Variants in KSR2 observed in about 807,000 individuals in gnomAD.
KSR2 encodes the protein kinase suppressor of ras 2.
KSR2 carries 25 observed loss-of-function variants against 107.8 expected under a neutral mutation model. The observed-to-expected ratio is 0.23, with a 90% CI of 0.17 to 0.32. The LOEUF (loss-of-function observed/expected upper bound fraction) is 0.32, where lower values mean the gene tolerates loss of function less well. Ranked by LOEUF, KSR2 falls within the 10% of genes least tolerant of loss-of-function variation. KSR2 has a pLI of 1.00. For missense variants in KSR2, 887 were observed against 1,268.9 expected, an observed-to-expected ratio of 0.70 and a Z score of 4.57; for synonymous variants, 480 against 507.0, an observed-to-expected ratio of 0.95 and a Z score of 0.71.
chr12:117,595,380 C>T (rs11068563), intron 5 of KSR2, among the ~76,000 whole-genome samples: 36,069 of 110,864 alleles, frequency 0.33, 6,669 homozygotes, highest in African/African-American at 0.58. Context: ...TTTTTTGAGA[C>T]GGAGTCTCGC....
chr12:117,953,563 C>T (rs544764763), intron 1 of KSR2, among the ~76,000 whole-genome samples: 1 of 152,220 alleles, frequency 6.6e-6, no homozygotes, highest in African/African-American at 2.4e-5. Flanking sequence ...CACAAAATAA[C>T]AAATATCATA....
chr12:117,933,584 T>C (rs1395904442), intron 1 of KSR2, among the ~76,000 whole-genome samples: 1 of 144,250 alleles, frequency 6.9e-6, no homozygotes, highest in Non-Finnish European at 1.6e-5. Flanking sequence ...AGAGCAAGAG[T>C]CTGTCTCAAA....
intron 5 of KSR2, among the ~76,000 whole-genome samples, chr12:117,638,470 G>A (rs1002140737): frequency 1.3e-5 from 2 of 151,066 alleles, no homozygotes; most frequent in African/African-American, 2.4e-5. Flanking sequence ...CAGAGATACT[G>A]AACTGTTCAC....
intron 5 of KSR2, among the ~76,000 whole-genome samples, chr12:117,635,794 CTTT>C (rs780731850): frequency 2.1e-5 from 3 of 140,668 alleles, no homozygotes; most frequent in Admixed American, 7.2e-5. Context: ...TGGTATGTTA[CTTT>C]TTTTTTTTTT....
In KSR2 at chr12:117,887,663, C is replaced by T. The variant is rs116858538; in HGVS notation, c.181-27232G>A. 1.3e-3 allele frequency among the ~76,000 whole-genome samples: 196 copies of T among 152,294 alleles called. 1 individual carries two copies. The East Asian group carries it at 0.031, about 24-fold the overall frequency. ...CAGCAATAATCCAGCAGCATGGTGGCTGCCAGGGTTGCTTCACTCAGTGGC... is the reference window on the plus strand; with the variant it reads ...CAGCAATAATCCAGCAGCATGGTGGTTGCCAGGGTTGCTTCACTCAGTGGC... On this transcript the variant is annotated intron_variant, in intron 1 of 19. Transcript: ENST00000339824.
intron 3 of KSR2, among the ~76,000 whole-genome samples, chr12:117,831,036 T>C (rs1015873783): frequency 2.0e-5 from 3 of 152,072 alleles, no homozygotes; most frequent in African/African-American, 7.2e-5. Flanking sequence ...CATGTTCCTG[T>C]CTCCTGGGGA....
intron 4 of KSR2, among the ~76,000 whole-genome samples, chr12:117,731,636 C>T (rs994034589): frequency 1.3e-5 from 2 of 152,102 alleles, no homozygotes; most frequent in African/African-American, 4.8e-5. Context: ...CAGACTGTTA[C>T]TGTGTCTGTG....
At chr12:117,743,154 TA>T (rs1416196773) in intron 4 of KSR2, among the ~76,000 whole-genome samples, 1 of 152,198 alleles carries the variant, frequency 6.6e-6, no homozygotes, top group Non-Finnish European at 1.5e-5. Flanking sequence ...CCATCCATCT[TA>T]AACAACTAAA....
At position 117,579,213 on chromosome 12, in the gene KSR2, G is replaced by A. The variant is rs1392863199; in HGVS notation, c.1242-11C>T. On this transcript the variant is annotated splice_polypyrimidine_tract_variant and intron_variant, in intron 6 of 19. Transcript: ENST00000339824. ...TACTTGGTGGAAAACCTGTGGAAAA[G>A]AGACAGAAAATGTTCAAGGTTAAGG... 2 of 1,604,588 alleles carry A rather than the reference G, an allele frequency of 1.2e-6. No homozygotes were observed. Among genetic ancestry groups the A allele is most frequent in the South Asian group, 2.2e-5 (2 of 90,370 alleles).
chr12:117,891,594 A>T (rs1033464744), intron 1 of KSR2, among the ~76,000 whole-genome samples: 19 of 152,264 alleles, frequency 1.2e-4, no homozygotes, highest in East Asian at 3.9e-4. Context: ...TAAATTTTTT[A>T]AAAAATGAAA....
At chr12:117,806,165 G>A (rs2137035582) in intron 3 of KSR2, among the ~76,000 whole-genome samples, 1 of 152,308 alleles carries the variant, frequency 6.6e-6, no homozygotes, top group African/African-American at 2.4e-5. Flanking sequence ...AGGGAGATGA[G>A]TATAAGGACA....
intron 5 of KSR2, among the ~76,000 whole-genome samples, chr12:117,612,826 C>A (rs918021084): frequency 6.6e-6 from 1 of 152,088 alleles, no homozygotes; most frequent in African/African-American, 2.4e-5. Flanking sequence ...GGCAGTTTCC[C>A]CCATTCTGTT....
At chr12:117,702,051 C>T (rs1275619498) in intron 4 of KSR2, among the ~76,000 whole-genome samples, 1 of 152,242 alleles carries the variant, frequency 6.6e-6, no homozygotes, top group Non-Finnish European at 1.5e-5. Context: ...CTCAGCCGCA[C>T]CATCCTTCCT....
chr12:117,471,346 T>G, intron 17 of KSR2, 26 bp from the exon 18 acceptor site: 2 of 1,608,408 alleles, frequency 1.2e-6, no homozygotes, highest in Non-Finnish European at 1.7e-6. Context: ...GTTAAAGGGG[T>G]GTTGGTGTGG....
intron 14 of KSR2, among the ~76,000 whole-genome samples, chr12:117,512,528 G>A (rs532993750): frequency 6.6e-6 from 1 of 152,228 alleles, no homozygotes; most frequent in South Asian, 2.1e-4. Context: ...GAGAAACTCT[G>A]GGGGTAGGAC....
At position 117,485,665 on chromosome 12, in the gene KSR2, G is replaced by C; in HGVS notation, c.2246C>G (p.Ser749Cys). Residue 749 changes from serine to cysteine, a missense_variant, in exon 15 of 20, where the codon TCC becomes TGC. Ser to Cys is a moderately radical substitution (Grantham distance 112, BLOSUM62 -1). Around this residue, in one of 8 missense-constraint regions of KSR2, gnomAD observed 308 missense variants for 506.2 expected, o/e 0.61. Coordinates refer to ENST00000339824, the MANE Select transcript of KSR2 (RefSeq NM_173598.6). ...TSLCKGRTLY[S>C]VVRDAKIVLD... is the part of the protein sequence containing the mutation. ...AACGATTTTGGCATCCCTCACAACG[G>C]AATAGAGCGTCCGTCCCTTACAGAG... The C allele has an allele frequency of 6.2e-7, 1 of 1,613,456 alleles. No individual in the cohort carries two copies. The highest frequency in any genetic ancestry group is 8.5e-7 in the Non-Finnish European group (1 of 1,179,530).
Position 117,530,915 on chromosome 12 carries a change from G to T in KSR2, c.1802+26C>A, listed in dbSNP as rs776524347. The T allele has an allele frequency of 1.9e-6, 3 of 1,605,758 alleles. No homozygotes were observed. In the South Asian group the frequency reaches 3.3e-5, roughly 18 times the overall value. Reference sequence around the variant, plus strand: ...GCCAGGGCTGGGAAGCTTGGGAAAGGGGGAAGATGTCTCTGTCTCACTTAC... The same window carrying T: ...GCCAGGGCTGGGAAGCTTGGGAAAGTGGGAAGATGTCTCTGTCTCACTTAC... On this transcript the variant is annotated intron_variant, in intron 12 of 19. Transcript: ENST00000339824.
chr12:117,762,310 C>T (rs1462706311), intron 3 of KSR2, among the ~76,000 whole-genome samples: 1 of 152,180 alleles, frequency 6.6e-6, no homozygotes, highest in African/African-American at 2.4e-5. Context: ...TTAGTCCCTC[C>T]CTGACCACTT....
intron 1 of KSR2, among the ~76,000 whole-genome samples, chr12:117,863,557 G>A (rs975010797): frequency 2.6e-5 from 4 of 152,178 alleles, no homozygotes; most frequent in Non-Finnish European, 5.9e-5. Context: ...CTGACTCATA[G>A]GGAAATTAAA....
Sources: allele counts gnomAD v4.1 joint callset (sites outside exome capture counted in the v4.1 genomes callset), GRCh38; gene constraint gnomAD v4.1.1; regional missense constraint gnomAD v4.1.1; transcripts MANE v1.5; gene names NCBI Gene and HGNC (gene_info 2026-07-23, HGNC 2026-07-21).